The following PDGFRA variants were observed in gnomAD, a reference collection of about 807,000 sequenced individuals.
PDGFRA encodes the protein platelet-derived growth factor receptor alpha.
Under a neutral mutation model 121.5 loss-of-function variants are expected in PDGFRA, and 25 were observed. That is an observed-to-expected ratio of 0.21 (90% CI 0.15 to 0.29). PDGFRA has a LOEUF of 0.29. PDGFRA is among the 10% of genes least tolerant of loss of function. PDGFRA has a pLI of 1.00. For missense variants in PDGFRA, 1,008 were observed against 1,345.1 expected (o/e 0.75, Z 3.92); for synonymous variants, 463 against 494.8 (o/e 0.94, Z 0.85).
Position 54,267,407 on chromosome 4 carries a change from G to T in PDGFRA, c.878G>T (p.Arg293Leu), listed in dbSNP as rs373948582. Reference protein sequence around the residue: ...KDSGDYECAARQATREVKEMK... With the variant: ...KDSGDYECAALQATREVKEMK... ...AGTGGAGATTACGAATGTGCTGCCC[G>T]CCAGGCTACCAGGGAGGTCAAAGAA... is the stretch of plus-strand genomic sequence containing the variant. Residue 293 changes from arginine (R) to leucine (L), a missense_variant, in exon 6 of 23, where the codon CGC becomes CTC. By Grantham distance (102) the Arg-to-Leu change is moderately radical. Coordinates refer to ENST00000257290, the MANE Select transcript of PDGFRA (RefSeq NM_006206.6). 6.2e-7 allele frequency: 1 copy of T among 1,614,044 alleles called. No homozygotes were observed. The highest frequency in any genetic ancestry group is 1.3e-5 in the African/African-American group (1 of 74,926).
chr4:54,231,248 C>G (rs1300264186), intron 1 of PDGFRA, among the ~76,000 whole-genome samples: 1 of 152,238 alleles, frequency 6.6e-6, no homozygotes, highest in East Asian at 1.9e-4. Context: ...ATATCAGGTC[C>G]CTACCGCCCC....
chr4:54,286,704 G>A (rs1436087230), intron 18 of PDGFRA, among the ~76,000 whole-genome samples: 2 of 152,190 alleles, frequency 1.3e-5, no homozygotes, highest in African/African-American at 2.4e-5. Flanking sequence ...GGACAAGCAT[G>A]CATTCCCAAG....
At chr4:54,253,022 T>G (rs1057127597) in intron 1 of PDGFRA, among the ~76,000 whole-genome samples, 3 of 151,572 alleles carry the variant, frequency 2.0e-5, no homozygotes, top group Non-Finnish European at 4.4e-5. Context: ...TTTCTGTGAC[T>G]GTATATATTG....
intron 13 of PDGFRA, 24 bp from the exon 14 acceptor site, chr4:54,277,872 A>G: frequency 6.8e-7 from 1 of 1,481,324 alleles, no homozygotes; most frequent in South Asian, 1.1e-5. Context: ...AGCTGGACTG[A>G]TATGTGATTT....
chr4:54,260,397 G>GTTTTT (rs68009440), intron 2 of PDGFRA, among the ~76,000 whole-genome samples: 1 of 64,564 alleles, frequency 1.5e-5, no homozygotes, highest in Admixed American at 1.9e-4. Context: ...TTCCATGTGG[G>GTTTTT]TTTTTTTTTT....
chr4:54,248,099 A>G (rs891991065), intron 1 of PDGFRA, among the ~76,000 whole-genome samples: 1 of 152,242 alleles, frequency 6.6e-6, no homozygotes, highest in Non-Finnish European at 1.5e-5. Flanking sequence ...TTCCATGCTC[A>G]TGTGTAGGAA....
In PDGFRA at chr4:54,272,428, C is replaced by G; in HGVS notation, c.1272C>G (p.His424Gln). ...CCATTCTGGACTTGGTCGATGATCA[C>G]CATGGCTCAACTGGGGGACAGACGG... ...PSSILDLVDD[H>Q]HGSTGGQTVR... The change falls in exon 9 of 23, where the codon CAC (histidine) becomes CAG (glutamine). Residue 424 changes from histidine to glutamine, a missense_variant. By Grantham distance (24) the His-to-Gln change is conservative (BLOSUM62 0). Around this residue, in one of 5 missense-constraint regions of PDGFRA, gnomAD observed 575 missense variants for 701.8 expected, o/e 0.82. Coordinates refer to ENST00000257290, the MANE Select transcript of PDGFRA (RefSeq NM_006206.6). 1 of 1,613,986 alleles carries G rather than the reference C, an allele frequency of 6.2e-7. No individual in the cohort carries two copies. Among genetic ancestry groups the G allele is most frequent in the South Asian group, 1.1e-5 (1 of 91,080 alleles).
chr4:54,241,753 T>C (rs1031587429), intron 1 of PDGFRA, among the ~76,000 whole-genome samples: 1 of 152,010 alleles, frequency 6.6e-6, no homozygotes, highest in Non-Finnish European at 1.5e-5. Flanking sequence ...TTCATCATGT[T>C]TGTCAGGCTG....
intron 1 of PDGFRA, among the ~76,000 whole-genome samples, chr4:54,252,327 G>C (rs955993280): frequency 1.3e-5 from 2 of 152,178 alleles, no homozygotes; most frequent in Admixed American, 6.5e-5. Context: ...ATATATTGCT[G>C]TTGTCCTCTT....
intron 21 of PDGFRA, among the ~76,000 whole-genome samples, chr4:54,289,411 C>T (rs1273156263): frequency 6.6e-6 from 1 of 152,172 alleles, no homozygotes; most frequent in African/African-American, 2.4e-5. Flanking sequence ...GCATCCATGG[C>T]CATTACATCA....
chr4:54,269,746 G>T lies in PDGFRA; in HGVS notation c.1122-887G>T, dbSNP rs532818410. Among the ~76,000 whole-genome samples the T allele has an allele frequency of 2.0e-5, 3 of 150,928 alleles. No individual in the cohort carries two copies. In the East Asian group the frequency reaches 5.8e-4, roughly 29 times the overall value. On this transcript the variant is annotated intron_variant, in intron 7 of 22. Transcript: ENST00000257290. ...CAACCTCCGCCTCCTGGGTTCAAGC[G>T]ATTCTTCAGCTTCAGCCTCCTGAGT...
intron 1 of PDGFRA, among the ~76,000 whole-genome samples, chr4:54,249,049 C>G (rs535420590): frequency 2.7e-4 from 41 of 152,250 alleles, no homozygotes; most frequent in African/African-American, 9.6e-4. Context: ...GAATGGCAAT[C>G]ATTAAAAAGT....
At position 54,265,059 on chromosome 4, in the gene PDGFRA, C is replaced by G; in HGVS notation, c.759+10C>G. The G allele has an allele frequency of 6.2e-7, 1 of 1,613,328 alleles. No individual in the cohort carries two copies. The highest frequency in any genetic ancestry group is 1.7e-5 in the Admixed American group (1 of 59,966). ...TTACCCTGGAGAAGTGGTAGGTACC[C>G]TCAAAACGTGCAATGGCTTGGAGCA... On this transcript the variant is annotated intron_variant, in intron 5 of 22. Coordinates refer to ENST00000257290, the MANE Select transcript of PDGFRA (RefSeq NM_006206.6).
At chr4:54,280,590 C>T (rs770112405) in intron 16 of PDGFRA, 108 bp downstream of exon 16, 3 of 855,946 alleles carry the variant, frequency 3.5e-6, no homozygotes, top group African/African-American at 1.7e-5. Flanking sequence ...AACCTGGCAG[C>T]CCACGTGGTC....
intron 1 of PDGFRA, among the ~76,000 whole-genome samples, chr4:54,240,906 G>A (rs1388200442): frequency 6.6e-6 from 1 of 152,120 alleles, no homozygotes; most frequent in African/African-American, 2.4e-5. Context: ...AAAAGCTATT[G>A]GATCTTTGTT....
At chr4:54,284,586 G>C (rs1724224104) in intron 16 of PDGFRA, among the ~76,000 whole-genome samples, 1 of 147,180 alleles carries the variant, frequency 6.8e-6, no homozygotes, top group Non-Finnish European at 1.5e-5. Context: ...GAGAGAGAGA[G>C]AGAGAGAGAG....
chr4:54,286,234 G>A (rs1418274585), intron 18 of PDGFRA, among the ~76,000 whole-genome samples: 1 of 152,120 alleles, frequency 6.6e-6, no homozygotes, highest in African/African-American at 2.4e-5. Flanking sequence ...TTGCTGAGTT[G>A]CTATGGGGAT....
chr4:54,257,867 C>T (rs1722458356), intron 1 of PDGFRA, among the ~76,000 whole-genome samples: 1 of 152,172 alleles, frequency 6.6e-6, no homozygotes, highest in South Asian at 2.1e-4. Flanking sequence ...TTTCTTTTCC[C>T]TTCCCACTTT....
chr4:54,245,969 G>T (rs1328978582), intron 1 of PDGFRA, among the ~76,000 whole-genome samples: 1 of 152,030 alleles, frequency 6.6e-6, no homozygotes, highest in Non-Finnish European at 1.5e-5. Context: ...GACAAAGAAG[G>T]CCATTACATA....
Sources: allele counts gnomAD v4.1 joint callset (sites outside exome capture counted in the v4.1 genomes callset), GRCh38; gene constraint gnomAD v4.1.1; regional missense constraint gnomAD v4.1.1; transcripts MANE v1.5; gene names NCBI Gene and HGNC (gene_info 2026-07-23, HGNC 2026-07-21).